FGF7: variants seen among roughly 807,000 people sequenced by gnomAD.
FGF7 encodes fibroblast growth factor 7, also known as FGF-7.
A neutral mutation model predicts 20.5 loss-of-function variants in FGF7; 6 were observed. That is an observed-to-expected ratio of 0.29 (90% CI 0.16 to 0.58). The LOEUF (loss-of-function observed/expected upper bound fraction) is 0.58. FGF7 is among the 20% of genes least tolerant of loss of function. The pLI is 0.90. For synonymous variants in FGF7, 64 were observed against 74.7 expected (o/e 0.86, Z 0.74); for missense variants, 144 against 228.8 (o/e 0.63, Z 2.39).
intron 2 of FGF7, among the ~76,000 whole-genome samples, chr15:49,426,682 T>C (rs16962445): frequency 0.017 from 2,607 of 151,954 alleles, 93 homozygotes; most frequent in African/African-American, 0.06. Flanking sequence ...AAAGCCAATT[T>C]TGTAAACCAT....
intron 2 of FGF7, among the ~76,000 whole-genome samples, chr15:49,459,560 T>C (rs1453520244): frequency 6.6e-6 from 1 of 152,194 alleles, no homozygotes; most frequent in Non-Finnish European, 1.5e-5. Context: ...ATCTTAATTA[T>C]TTTAAAGTCC....
At chr15:49,463,932 T>TTTG (rs1555496011) in intron 2 of FGF7, among the ~76,000 whole-genome samples, 2 of 151,710 alleles carry the variant, frequency 1.3e-5, no homozygotes, top group African/African-American at 4.8e-5. Flanking sequence ...TTTGTTTGTT[T>TTTG]TTTGTTTGTT....
At chr15:49,445,347 T>A (rs1406568428) in intron 2 of FGF7, among the ~76,000 whole-genome samples, 1 of 151,612 alleles carries the variant, frequency 6.6e-6, no homozygotes, top group Non-Finnish European at 1.5e-5. Context: ...GTTTAGCTCT[T>A]ACTTATAAGT....
chr15:49,465,908 T>C (rs2054226349), intron 2 of FGF7, among the ~76,000 whole-genome samples: 1 of 152,176 alleles, frequency 6.6e-6, no homozygotes. Flanking sequence ...GTTTTTGTCA[T>C]TTATTGAGGG....
chr15:49,468,460 T>C (rs2054458820), intron 2 of FGF7, among the ~76,000 whole-genome samples: 1 of 152,224 alleles, frequency 6.6e-6, no homozygotes, highest in East Asian at 1.9e-4. Context: ...TCCAAGGTTC[T>C]GACTTAAATC....
At chr15:49,466,366 A>G (rs575231860) in intron 2 of FGF7, among the ~76,000 whole-genome samples, 14 of 152,184 alleles carry the variant, frequency 9.2e-5, no homozygotes, top group Non-Finnish European at 1.9e-4. Context: ...GCAGGTAGAG[A>G]CTGACATTTT....
intron 2 of FGF7, among the ~76,000 whole-genome samples, chr15:49,457,762 A>G (rs978765092): frequency 6.6e-6 from 1 of 151,948 alleles, no homozygotes; most frequent in Non-Finnish European, 1.5e-5. Flanking sequence ...GTATATTTAA[A>G]ATTAAAAGAA....
chr15:49,425,308 A>G (rs2050026545), intron 2 of FGF7: 1 of 151,992 alleles, frequency 6.6e-6, no homozygotes, highest in Non-Finnish European at 1.5e-5. Flanking sequence ...ATGTTTTTCA[A>G]TTTAAAGCCT....
rs999975539 is a variant in FGF7 at position 49,468,184 on chromosome 15, T to A, written c.287-14967T>A. ...TAACCAGACATGTCATTTAAATGGTTTTTGACATCATTATAAAATATATAT... is the reference window on the plus strand; with the variant it reads ...TAACCAGACATGTCATTTAAATGGTATTTGACATCATTATAAAATATATAT... On this transcript the variant is annotated intron_variant, in intron 2 of 3. Coordinates refer to ENST00000267843, the MANE Select transcript of FGF7 (RefSeq NM_002009.4). Among the ~76,000 whole-genome samples the A allele has an allele frequency of 2.0e-5, 3 of 152,170 alleles. No individual in the cohort carries two copies. The East Asian group carries it at 5.8e-4, about 29-fold the overall frequency.
intron 2 of FGF7, among the ~76,000 whole-genome samples, chr15:49,478,699 C>T (rs1298234205): frequency 1.3e-5 from 2 of 152,014 alleles, no homozygotes; most frequent in African/African-American, 2.4e-5. Context: ...AGTTATCATG[C>T]TAGCACAGCC....
Position 49,481,528 on chromosome 15 carries a change from C to T in FGF7, c.287-1623C>T, listed in dbSNP as rs551799569. Among the ~76,000 whole-genome samples the T allele has an allele frequency of 2.0e-4, 31 of 152,282 alleles. No individual in the cohort carries two copies. In the South Asian group the frequency reaches 5.6e-3, roughly 28 times the overall value. ...AGATGTGTTGAACGTTACATGAATGCATCAACATCATAATCCTTCATGTGC... is the reference window on the plus strand; with the variant it reads ...AGATGTGTTGAACGTTACATGAATGTATCAACATCATAATCCTTCATGTGC... On this transcript the variant is annotated intron_variant, in intron 2 of 3. Coordinates refer to ENST00000267843, the MANE Select transcript of FGF7 (RefSeq NM_002009.4).
chr15:49,469,288 T>C (rs998499205), intron 2 of FGF7, among the ~76,000 whole-genome samples: 2 of 152,190 alleles, frequency 1.3e-5, no homozygotes, highest in Non-Finnish European at 2.9e-5. Context: ...TTATACCACT[T>C]ATCGAATACT....
chr15:49,474,507 T>C (rs962325918), intron 2 of FGF7, among the ~76,000 whole-genome samples: 7 of 152,048 alleles, frequency 4.6e-5, no homozygotes, highest in African/African-American at 1.7e-4. Context: ...GGTAAATCAA[T>C]GGGACAAAAC....
chr15:49,424,448 C>A lies in FGF7; in HGVS notation c.151C>A (p.Arg51=), dbSNP rs1390535736. The change falls in exon 2 of 4, where the codon CGA becomes AGA. Residue 51 remains arginine, a synonymous_variant. Coordinates refer to ENST00000267843, the MANE Select transcript of FGF7 (RefSeq NM_002009.4). ...AAATGTGAACTGTTCCAGCCCTGAG[C>A]GACACACAAGAAGTTATGATTACAT... is the stretch of plus-strand genomic sequence containing the variant. The part of the protein sequence containing the change: ...ATNVNCSSPE[R]HTRSYDYMEG... 6.2e-6 allele frequency: 10 copies of A among 1,613,288 alleles called. No homozygotes were observed. In the South Asian group the frequency reaches 1.1e-4, roughly 18 times the overall value.
intron 2 of FGF7, among the ~76,000 whole-genome samples, chr15:49,473,319 C>T (rs1005350070): frequency 5.3e-4 from 80 of 151,956 alleles, no homozygotes; most frequent in Admixed American, 4.9e-3. Context: ...AATTTATAAC[C>T]TTAACAAACC....
rs545851654 is a variant in FGF7, at chr15:49,486,974, T to G, written c.*2470T>G. 6.6e-6 allele frequency: 1 copy of G among 152,052 alleles called. No homozygotes were observed. Among genetic ancestry groups the G allele is most frequent in the Admixed American group, 6.6e-5 (1 of 15,230 alleles). The allele number at this position is 152,052 out of a possible 1,614,324, so 9.4% of individuals were successfully genotyped here. On this transcript the variant is annotated 3_prime_UTR_variant, in exon 4 of 4. Coordinates refer to ENST00000267843, the MANE Select transcript of FGF7 (RefSeq NM_002009.4). ...ACGCAGCTGGGTAGATATACAGCTG[T>G]CACAAGAGTCTAGATCAGTTAGCAC... is the stretch of plus-strand genomic sequence containing the variant.
chr15:49,442,633 C>CATAG (rs1378771767), intron 2 of FGF7, among the ~76,000 whole-genome samples: 25 of 151,620 alleles, frequency 1.6e-4, no homozygotes, highest in African/African-American at 5.6e-4. Context: ...AGTAGTTACT[C>CATAG]ACTAATTACA....
rs1196215052 is a variant in FGF7 at position 49,424,156 on chromosome 15, A to C, written c.-142A>C. ...TATCAGGAACTAAAAGGATAAGGCT[A>C]ACAATTTGGAAAGAGCAACTACTCT... On this transcript the variant is annotated 5_prime_UTR_variant, in exon 2 of 4. Transcript: ENST00000267843. 1.4e-6 allele frequency: 1 copy of C among 692,342 alleles called. No homozygotes were observed. The highest frequency in any genetic ancestry group is 2.4e-6 in the Non-Finnish European group (1 of 412,372). 42.9% of individuals were successfully genotyped at this position (692,342 alleles called of 1,614,324 possible).
intron 2 of FGF7, among the ~76,000 whole-genome samples, chr15:49,478,718 A>G (rs2055601782): frequency 6.6e-6 from 1 of 152,144 alleles, no homozygotes; most frequent in African/African-American, 2.4e-5. Context: ...CCATATTAAT[A>G]TATACCCCTT....
Sources: gnomAD v4.1 joint callset for allele counts (sites outside exome capture counted in the v4.1 genomes callset) on GRCh38, gnomAD v4.1.1 for gene constraint, MANE v1.5 for transcripts, NCBI Gene and HGNC (gene_info 2026-07-23, HGNC 2026-07-21) for gene names.